The following ZNF814 variants were observed in gnomAD, a reference collection of about 807,000 sequenced individuals.
The protein encoded by ZNF814 is zinc finger protein 814.
Under a neutral mutation model 7.5 loss-of-function variants are expected in ZNF814, and 5 were observed. The ratio of observed to expected loss-of-function variants is 0.67; its 90% confidence interval spans 0.35 to 1.40. The LOEUF is 1.40. Ranked by LOEUF, ZNF814 falls within the 40% of genes most tolerant of loss-of-function variation. The probability of loss-of-function intolerance (pLI) is 0.04; values close to 1 mark genes in which losing one functional copy is unlikely to be tolerated. For synonymous variants in ZNF814, 315 were observed against 340.7 expected (o/e 0.92, Z 0.83); for missense variants, 962 against 1,018.0 (o/e 0.94, Z 0.75).
chr19:57,870,352 CT>C lies in ZNF814; in HGVS notation c.*2469del, dbSNP rs1399432889. On this transcript the variant is annotated 3_prime_UTR_variant, in exon 3 of 3. Transcript: ENST00000435989. ...CAACTCTATACTGACTACACCAATT[CT>C]TCTCATGCCCTAAGTGGGAAAACTA... 3 of 152,228 alleles carry C rather than the reference CT, an allele frequency of 2.0e-5. No homozygotes were observed. Among genetic ancestry groups the C allele is most frequent in the Non-Finnish European group, 4.4e-5 (3 of 68,036 alleles). The allele number at this position is 152,228 out of a possible 1,614,324, so 9.4% of individuals were successfully genotyped here. A position where few individuals can be genotyped will look rare whatever the true frequency, so the allele number is the denominator to read the frequency against.
chr19:57,899,204 A>C, the ZNF814 span, among the ~76,000 whole-genome samples: 2 of 152,236 alleles, frequency 1.3e-5, no homozygotes, highest in Non-Finnish European at 2.9e-5. Context: ...CCCACAAGGC[A>C]TGTTAAGTAG....
Position 57,874,719 on chromosome 19 carries a change from C to G in ZNF814, c.671G>C (p.Ser224Thr). Residue 224 changes from serine (S) to threonine (T), a missense_variant, in exon 3 of 3, where the codon AGC becomes ACC. Physicochemically the swap from Ser to Thr is moderately conservative, Grantham distance 58. This residue lies in a region of ZNF814 where 126 missense variants were observed against 123.5 expected (regional missense o/e 1.02). Transcript: ENST00000435989. ...GTGCTGACTGAGTATATGTTTGGTG[C>G]TAAAATGTTTCATGGATTCTCCACA... ...YSCGESMKHF[S>T]TKHILSQHQR... The G allele has an allele frequency of 6.3e-7, 1 of 1,596,560 alleles. No homozygotes were observed. Among genetic ancestry groups the G allele is most frequent in the Non-Finnish European group, 8.5e-7 (1 of 1,170,674 alleles).
At chr19:57,886,135 G>A (rs1015950032) in intron 1 of ZNF814, among the ~76,000 whole-genome samples, 1 of 151,918 alleles carries the variant, frequency 6.6e-6, no homozygotes, top group Admixed American at 6.6e-5. Flanking sequence ...TATAGGTCGG[G>A]GTCAGTACCA....
the ZNF814 span, among the ~76,000 whole-genome samples, chr19:57,903,942 C>T: frequency 6.6e-6 from 1 of 152,138 alleles, no homozygotes; most frequent in African/African-American, 2.4e-5. Context: ...GGGTCTAAAA[C>T]CCCTCATGAC....
upstream of ZNF814, among the ~76,000 whole-genome samples, chr19:57,890,844 C>T (rs754536150): frequency 1.3e-5 from 2 of 152,222 alleles, no homozygotes; most frequent in Non-Finnish European, 2.9e-5. Flanking sequence ...AGAACAAGAA[C>T]CTAACCCCAT....
chr19:57,901,427 T>C, the ZNF814 span, among the ~76,000 whole-genome samples: 2 of 152,096 alleles, frequency 1.3e-5, no homozygotes, highest in Non-Finnish European at 2.9e-5. Flanking sequence ...AGTGGAGGGA[T>C]GCACATACAA....
At position 57,873,372 on chromosome 19, in the gene ZNF814, C is replaced by T; in HGVS notation, c.2018G>A (p.Gly673Asp). The T allele has an allele frequency of 6.2e-7, 1 of 1,603,364 alleles. No homozygotes were observed. The highest frequency in any genetic ancestry group is 8.5e-7 in the Non-Finnish European group (1 of 1,174,702). Residue 673 changes from glycine (G) to aspartate (D), a missense_variant, in exon 3 of 3, where the codon GGT becomes GAT. Gly to Asp is a moderately conservative substitution (Grantham distance 94). Coordinates refer to ENST00000435989, the MANE Select transcript of ZNF814 (RefSeq NM_001144989.2). ...GCCATGCTGGTGTAGAATGAGGTTA[C>T]CCTTGTGACTAAAACATTTCCCACA... ...GECGKCFSHK[G>D]NLILHQHGHT...
chr19:57,891,475 A>C (rs2071733920), upstream of ZNF814, among the ~76,000 whole-genome samples: 1 of 150,820 alleles, frequency 6.6e-6, no homozygotes, highest in Non-Finnish European at 1.5e-5. Flanking sequence ...CAGTGAGCCG[A>C]GATTGCACCA....
Position 57,873,306 on chromosome 19 carries a change from T to A in ZNF814, c.2084A>T (p.Lys695Ile). 1 of 1,589,266 alleles carries A rather than the reference T, an allele frequency of 6.3e-7. No homozygotes were observed. The highest frequency in any genetic ancestry group is 8.6e-7 in the Non-Finnish European group (1 of 1,167,182). Residue 695 changes from lysine to isoleucine, a missense_variant, in exon 3 of 3, where the codon AAA becomes ATA. Physicochemically the swap from Lys to Ile is moderately radical, Grantham distance 102. This residue lies in a region of ZNF814 where 665 missense variants were observed against 551.4 expected (regional missense o/e 1.21). Coordinates refer to ENST00000435989, the MANE Select transcript of ZNF814 (RefSeq NM_001144989.2). ...GAGGTGAGACTTCTTCTTAAATAAT[T>A]TTCCACATTCCCTACATACATAAGG... ...ERPYVCRECG[K>I]LFKKKSHLLV...
At chr19:57,892,428 C>G (rs2071738975), upstream of ZNF814, among the ~76,000 whole-genome samples, 1 of 152,184 alleles carries the variant, frequency 6.6e-6, no homozygotes, top group Admixed American at 6.5e-5. Flanking sequence ...GACACTTGAC[C>G]AAACTTTGGT....
intron 1 of ZNF814, among the ~76,000 whole-genome samples, chr19:57,877,853 T>A (rs1369718181): frequency 6.6e-6 from 1 of 152,090 alleles, no homozygotes; most frequent in Non-Finnish European, 1.5e-5. Context: ...ACACATGTCA[T>A]CAAGAGCAAT....
chr19:57,902,420 C>T, the ZNF814 span, among the ~76,000 whole-genome samples: 2 of 152,104 alleles, frequency 1.3e-5, no homozygotes, highest in East Asian at 3.8e-4. Flanking sequence ...TTATATGGAG[C>T]CCTGGTGGCA....
chr19:57,876,296 T>C (rs1269566138), intron 2 of ZNF814, among the ~76,000 whole-genome samples: 2 of 151,958 alleles, frequency 1.3e-5, no homozygotes, highest in South Asian at 4.2e-4. Flanking sequence ...TCTGAGCCTA[T>C]TATGCTGAGG....
intron 2 of ZNF814, chr19:57,876,549 T>C (rs897521961): frequency 5.4e-5 from 20 of 369,282 alleles, no homozygotes; most frequent in Admixed American, 5.1e-4. Context: ...GGCAGTGATG[T>C]AGTCTGTGAA....
rs748604845 is a variant in ZNF814, at chr19:57,873,505, C to G, written c.1885G>C (p.Glu629Gln). Reference protein sequence around the residue: ...LVHHQRMHTGERPYKCGDCGK... With the variant: ...LVHHQRMHTGQRPYKCGDCGK... ...CAGTCTCCACACTTGTAAGGTCTTT[C>G]TCCAGTGTGCATGCGCTGATGGTGA... The change falls in exon 3 of 3, where the codon GAA becomes CAA. Residue 629 changes from glutamate to glutamine, a missense_variant. Physicochemically the swap from Glu to Gln is conservative, Grantham distance 29. Coordinates refer to ENST00000435989, the MANE Select transcript of ZNF814 (RefSeq NM_001144989.2). The G allele has an allele frequency of 3.7e-6, 6 of 1,614,194 alleles. No homozygotes were observed. The highest frequency in any genetic ancestry group is 5.1e-6 in the Non-Finnish European group (6 of 1,180,026).
Position 57,874,782 on chromosome 19 carries a change from C to A in ZNF814, c.608G>T (p.Cys203Phe), listed in dbSNP as rs1443120561. The change falls in exon 3 of 3, where the codon TGT (cysteine) becomes TTT (phenylalanine). Residue 203 changes from cysteine to phenylalanine, a missense_variant. Around this residue, in one of 7 missense-constraint regions of ZNF814, gnomAD observed 126 missense variants for 123.5 expected, o/e 1.02. Transcript: ENST00000435989. ...TCCCCCACACTGAATGGGAGACACA[C>A]ACTCAGTTTTGCTGTTTGACTTCTC... ...TGEKSNSKTE[C>F]VSPIQCGGAH... 5 of 1,613,976 alleles carry A rather than the reference C, an allele frequency of 3.1e-6. No homozygotes were observed. The highest frequency in any genetic ancestry group is 3.3e-5 in the Admixed American group (2 of 59,950).
chr19:57,891,247 C>T (rs1315990970), upstream of ZNF814, among the ~76,000 whole-genome samples: 2 of 152,174 alleles, frequency 1.3e-5, no homozygotes, highest in African/African-American at 2.4e-5. Flanking sequence ...AAATAGGGGC[C>T]AGGCGCGGTG....
chr19:57,893,881 T>C (rs1260743881), upstream of ZNF814, among the ~76,000 whole-genome samples: 5 of 150,058 alleles, frequency 3.3e-5, no homozygotes, highest in East Asian at 6.0e-4. Context: ...GATTGCACCA[T>C]TGCACTCCAG....
At chr19:57,878,115 G>A (rs533392190) in intron 1 of ZNF814, among the ~76,000 whole-genome samples, 2 of 146,826 alleles carry the variant, frequency 1.4e-5, no homozygotes, top group East Asian at 4.0e-4. Flanking sequence ...GCAGTGAGCC[G>A]AGATTGCGCC....
Sources: allele counts gnomAD v4.1 joint callset (sites outside exome capture counted in the v4.1 genomes callset), GRCh38; gene constraint gnomAD v4.1.1; regional missense constraint gnomAD v4.1.1; transcripts MANE v1.5; gene names NCBI Gene and HGNC (gene_info 2026-07-23, HGNC 2026-07-21).